The following MANBAL variants were observed in gnomAD, a reference collection of about 807,000 sequenced individuals.
The protein encoded by MANBAL is mannosidase beta like, also known as protein MANBAL.
In MANBAL, 1 loss-of-function variant was observed where a neutral mutation model predicts 6.4. The observed-to-expected ratio is 0.16, with a 90% CI of 0.06 to 0.74. MANBAL has a LOEUF of 0.74. Ranked by LOEUF, MANBAL falls within the 30% of genes least tolerant of loss-of-function variation. MANBAL has a pLI of 0.78. For missense variants in MANBAL, 100 were observed against 107.8 expected, an observed-to-expected ratio of 0.93 and a Z score of 0.32; for synonymous variants, 47 against 45.8, an observed-to-expected ratio of 1.03 and a Z score of -0.10.
intron 2 of MANBAL, chr20:37,302,135 C>A: frequency 1.7e-6 from 2 of 1,165,794 alleles, no homozygotes; most frequent in Non-Finnish European, 2.5e-6. Context: ...CACTTTCTTG[C>A]CCACTCCCAT....
intron 2 of MANBAL, among the ~76,000 whole-genome samples, chr20:37,311,962 G>A (rs1004977844): frequency 5.3e-5 from 8 of 152,208 alleles, no homozygotes; most frequent in South Asian, 2.1e-4. Context: ...GGGACTGGCT[G>A]GGTCTAGAGC....
Position 37,306,546 on chromosome 20 carries a change from A to G in MANBAL, c.150+5133A>G, listed in dbSNP as rs1215935067. On this transcript the variant is annotated intron_variant, in intron 2 of 2. Transcript: ENST00000373606. ...AAGGTTTTCTCATTGGCAACTCATT[A>G]AACTCAGACCTAAGAAAACAAACAT... Among the ~76,000 whole-genome samples the G allele has an allele frequency of 2.0e-5, 3 of 152,256 alleles. No individual in the cohort carries two copies. In the East Asian group the frequency reaches 5.8e-4, roughly 29 times the overall value.
At chr20:37,302,374 A>G in intron 2 of MANBAL, 2 of 1,548,372 alleles carry the variant, frequency 1.3e-6, no homozygotes, top group African/African-American at 1.4e-5. Flanking sequence ...TGTGGCATCA[A>G]CAAGCAGGTG....
intron 2 of MANBAL, among the ~76,000 whole-genome samples, chr20:37,305,123 T>C (rs28459670): frequency 6.6e-6 from 1 of 152,202 alleles, no homozygotes; most frequent in East Asian, 1.9e-4. Flanking sequence ...AGATCACTAT[T>C]GGCGTTCTTC....
intron 1 of MANBAL, among the ~76,000 whole-genome samples, chr20:37,292,745 C>T (rs1245101989): frequency 1.3e-5 from 2 of 152,214 alleles, no homozygotes; most frequent in South Asian, 2.1e-4. Flanking sequence ...ACATATCCCC[C>T]TCTATATGTT....
Position 37,301,362 on chromosome 20 carries a change from G to A in MANBAL, c.99G>A (p.Gln33=). ...RYGLFLGAIF[Q]LICVLAIIVP... Reference sequence around the variant, plus strand: ...GACTCTTCCTGGGAGCCATCTTCCAGCTCATCTGTGTGCTGGCCATCATCG... The same window carrying A: ...GACTCTTCCTGGGAGCCATCTTCCAACTCATCTGTGTGCTGGCCATCATCG... Residue 33 remains glutamine, a synonymous_variant, in exon 2 of 3, where the codon CAG becomes CAA. Transcript: ENST00000373606. The A allele has an allele frequency of 1.2e-6, 2 of 1,613,824 alleles. No individual in the cohort carries two copies. The highest frequency in any genetic ancestry group is 1.7e-6 in the Non-Finnish European group (2 of 1,179,836).
rs146092068 is a variant in MANBAL, at chr20:37,314,888, C to T, written c.151-1420C>T. On this transcript the variant is annotated intron_variant, in intron 2 of 2. Coordinates refer to ENST00000373606, the MANE Select transcript of MANBAL (RefSeq NM_001003897.2). ...GTAGGGTGGGCTGAGGCTTGGGCCA[C>T]GGGCCAATGGGGCAAGCAGGGAAGG... 3.7e-3 allele frequency among the ~76,000 whole-genome samples: 566 copies of T among 152,280 alleles called. 5 individuals are homozygous for T. Among genetic ancestry groups the T allele is most frequent in the African/African-American group, 0.012 (506 of 41,552 alleles).
intron 2 of MANBAL, among the ~76,000 whole-genome samples, chr20:37,311,726 A>G (rs998040291): frequency 3.9e-5 from 6 of 152,190 alleles, no homozygotes; most frequent in Admixed American, 2.6e-4. Flanking sequence ...ACCTCAGGTG[A>G]TCCACCTGCC....
At chr20:37,294,874 A>G (rs1246638575) in intron 1 of MANBAL, among the ~76,000 whole-genome samples, 2 of 152,258 alleles carry the variant, frequency 1.3e-5, no homozygotes, top group East Asian at 3.8e-4. Context: ...TATTTGTCCA[A>G]TGAATTAATG....
intron 1 of MANBAL, among the ~76,000 whole-genome samples, chr20:37,298,531 A>T (rs556602517): frequency 6.6e-6 from 1 of 152,292 alleles, no homozygotes; most frequent in South Asian, 2.1e-4. Context: ...ATATTTATTC[A>T]AAGCTCATAA....
chr20:37,312,682 T>A (rs2069414949), intron 2 of MANBAL, among the ~76,000 whole-genome samples: 1 of 152,206 alleles, frequency 6.6e-6, no homozygotes, highest in Non-Finnish European at 1.5e-5. Flanking sequence ...TTGCCCAGGC[T>A]GGAGTGTAGT....
chr20:37,295,393 A>G (rs1454470728), intron 1 of MANBAL, among the ~76,000 whole-genome samples: 1 of 152,238 alleles, frequency 6.6e-6, no homozygotes, highest in Non-Finnish European at 1.5e-5. Context: ...GCATGCTCAG[A>G]TGTAGATGGA....
At chr20:37,298,793 A>G (rs1447505628) in intron 1 of MANBAL, 1 of 151,678 alleles carries the variant, frequency 6.6e-6, no homozygotes, top group Non-Finnish European at 1.5e-5. Flanking sequence ...AGGGTGGCGC[A>G]ATCACGACTC....
chr20:37,303,909 G>T (rs1439598789), intron 2 of MANBAL, among the ~76,000 whole-genome samples: 1 of 152,188 alleles, frequency 6.6e-6, no homozygotes, highest in Non-Finnish European at 1.5e-5. Context: ...TGTTTACACA[G>T]TATAGGCGTG....
intron 2 of MANBAL, among the ~76,000 whole-genome samples, chr20:37,313,205 C>T (rs554439672): frequency 2.6e-5 from 4 of 151,782 alleles, no homozygotes; most frequent in Non-Finnish European, 4.4e-5. Flanking sequence ...GGTGAAACCC[C>T]GTCTCTACTA....
chr20:37,298,418 T>A (rs938186672), intron 1 of MANBAL, among the ~76,000 whole-genome samples: 1 of 152,208 alleles, frequency 6.6e-6, no homozygotes, highest in African/African-American at 2.4e-5. Flanking sequence ...CAGCCCTTGG[T>A]AACCTCAATT....
rs534199929 is a variant in MANBAL, at chr20:37,312,209, G to A, written c.151-4099G>A. Among the ~76,000 whole-genome samples, 9 of 152,220 alleles carry A rather than the reference G, an allele frequency of 5.9e-5. No individual in the cohort carries two copies. In the East Asian group the frequency reaches 1.7e-3, roughly 29 times the overall value. On this transcript the variant is annotated intron_variant, in intron 2 of 2. Coordinates refer to ENST00000373606, the MANE Select transcript of MANBAL (RefSeq NM_001003897.2). ...TCCCTTCAGCTGTAAAAAATCAAGC[G>A]TGATCTGGAGCACAAACCCACTTTT...
At chr20:37,311,789 T>G (rs1316269856) in intron 2 of MANBAL, among the ~76,000 whole-genome samples, 2 of 152,238 alleles carry the variant, frequency 1.3e-5, no homozygotes, top group African/African-American at 4.8e-5. Flanking sequence ...GCCCGGCCTG[T>G]TGTCATTGTT....
intron 1 of MANBAL, among the ~76,000 whole-genome samples, chr20:37,300,274 T>A (rs1307188353): frequency 1.3e-5 from 2 of 152,198 alleles, no homozygotes; most frequent in Non-Finnish European, 2.9e-5. Flanking sequence ...TTCCCCACCC[T>A]GGGGCCTCCA....
Sources: gnomAD v4.1 joint callset for allele counts (sites outside exome capture counted in the v4.1 genomes callset) on GRCh38, gnomAD v4.1.1 for gene constraint, MANE v1.5 for transcripts, NCBI Gene and HGNC (gene_info 2026-07-23, HGNC 2026-07-21) for gene names.